The following DNM3 variants were observed in gnomAD, a reference collection of about 807,000 sequenced individuals.
The protein encoded by DNM3 is dynamin 3.
A neutral mutation model predicts 101.6 loss-of-function variants in DNM3; 47 were observed. The ratio of observed to expected loss-of-function variants is 0.46; its 90% CI spans 0.37 to 0.59. The LOEUF (loss-of-function observed/expected upper bound fraction) is 0.59. Among genes scored for constraint, DNM3 ranks in the 20% least tolerant of loss-of-function variants. The probability of loss-of-function intolerance (pLI) is 0.00; values close to 1 mark genes in which losing one functional copy is unlikely to be tolerated. For missense variants in DNM3, 849 were observed against 1,085.7 expected (o/e 0.78, Z 3.06); for synonymous variants, 385 against 387.9 (o/e 0.99, Z 0.09).
chr1:172,292,556 A>C (rs1443409974), intron 15 of DNM3, among the ~76,000 whole-genome samples: 1 of 152,074 alleles, frequency 6.6e-6, no homozygotes, highest in Non-Finnish European at 1.5e-5. Flanking sequence ...TATGGGAAAC[A>C]CTTGAAAATA....
At chr1:172,247,326 A>G (rs529024109) in intron 14 of DNM3, among the ~76,000 whole-genome samples, 1 of 152,326 alleles carries the variant, frequency 6.6e-6, no homozygotes, top group African/African-American at 2.4e-5. Flanking sequence ...GGCAAATACA[A>G]TAATAGAGAA....
At chr1:172,261,450 T>C (rs543067440) in intron 15 of DNM3, among the ~76,000 whole-genome samples, 1 of 152,324 alleles carries the variant, frequency 6.6e-6, no homozygotes, top group East Asian at 1.9e-4. Context: ...GTAGAGGCTA[T>C]GAAAAAGTTT....
At chr1:171,903,120 A>T (rs140973419) in intron 1 of DNM3, among the ~76,000 whole-genome samples, 36 of 152,188 alleles carry the variant, frequency 2.4e-4, no homozygotes, top group African/African-American at 8.7e-4. Flanking sequence ...GTGCCACTAT[A>T]CTTAAGCCTG....
At chr1:172,194,993 C>A (rs374606196) in intron 14 of DNM3, among the ~76,000 whole-genome samples, 3 of 152,158 alleles carry the variant, frequency 2.0e-5, no homozygotes, top group East Asian at 3.9e-4. Flanking sequence ...TTTCTAGTGG[C>A]TGGTACCAGT....
chr1:172,004,114 T>C (rs1196976293), intron 4 of DNM3, among the ~76,000 whole-genome samples: 1 of 151,992 alleles, frequency 6.6e-6, no homozygotes, highest in Non-Finnish European at 1.5e-5. Flanking sequence ...AAAGACAGAC[T>C]GTGAAATACT....
chr1:171,993,787 GTC>G (rs1316452850), intron 4 of DNM3, among the ~76,000 whole-genome samples: 1 of 151,406 alleles, frequency 6.6e-6, no homozygotes, highest in Non-Finnish European at 1.5e-5. Context: ...TCTTTCTTTT[GTC>G]TTTCTTTTCC....
chr1:171,936,199 A>G (rs1323570678), intron 2 of DNM3, among the ~76,000 whole-genome samples: 1 of 151,852 alleles, frequency 6.6e-6, no homozygotes, highest in African/African-American at 2.4e-5. Flanking sequence ...TCCACTAAAA[A>G]CACGAAACAG....
intron 1 of DNM3, among the ~76,000 whole-genome samples, chr1:171,899,837 A>G (rs2038144793): frequency 6.6e-6 from 1 of 152,242 alleles, no homozygotes; most frequent in Admixed American, 6.5e-5. Context: ...TTCTACAAAT[A>G]ACATGGAAGT....
chr1:171,985,855 T>C (rs569173736), intron 2 of DNM3, among the ~76,000 whole-genome samples: 6 of 152,302 alleles, frequency 3.9e-5, no homozygotes, highest in African/African-American at 1.4e-4. Flanking sequence ...AGTGGTGATG[T>C]GACAAAGCAA....
intron 14 of DNM3, among the ~76,000 whole-genome samples, chr1:172,162,280 TTTTG>T (rs200327674): frequency 0.024 from 3,659 of 152,130 alleles, 145 homozygotes; most frequent in African/African-American, 0.083. Flanking sequence ...TATCTGTTGC[TTTTG>T]CTTGATTATC....
intron 14 of DNM3, among the ~76,000 whole-genome samples, chr1:172,238,409 A>G (rs2061621945): frequency 6.6e-6 from 1 of 152,156 alleles, no homozygotes; most frequent in African/African-American, 2.4e-5. Flanking sequence ...TACATGAATA[A>G]TTCATTCCTT....
chr1:172,209,875 A>T (rs2060453364), intron 14 of DNM3, among the ~76,000 whole-genome samples: 1 of 152,156 alleles, frequency 6.6e-6, no homozygotes. Context: ...AATTTTAAAG[A>T]TTATTAATTG....
At chr1:172,256,793 A>C (rs1312991769) in intron 15 of DNM3, among the ~76,000 whole-genome samples, 2 of 151,764 alleles carry the variant, frequency 1.3e-5, no homozygotes, top group Non-Finnish European at 2.9e-5. Flanking sequence ...TTTCTTATAT[A>C]TCTGCATATA....
intron 14 of DNM3, among the ~76,000 whole-genome samples, chr1:172,198,166 A>G (rs1026852721): frequency 1.3e-5 from 2 of 152,128 alleles, no homozygotes; most frequent in South Asian, 4.1e-4. Context: ...TGAGGTAATC[A>G]TGTGGTTTTT....
chr1:172,221,502 A>G lies in DNM3; in HGVS notation c.1660-32071A>G, dbSNP rs557517745. 7.9e-5 allele frequency among the ~76,000 whole-genome samples: 12 copies of G among 152,260 alleles called. No individual in the cohort carries two copies. In the South Asian group the frequency reaches 2.3e-3, roughly 29 times the overall value. On this transcript the variant is annotated intron_variant, in intron 14 of 20. Coordinates refer to ENST00000627582, the MANE Select transcript of DNM3 (RefSeq NM_015569.5). ...CACTTTAACAATCCACAGGGAAGAG[A>G]TGGGAGAGATGGTTCCAAGAGCAGA...
At chr1:172,003,901 T>C (rs2046507423) in intron 4 of DNM3, among the ~76,000 whole-genome samples, 1 of 151,840 alleles carries the variant, frequency 6.6e-6, no homozygotes, top group Non-Finnish European at 1.5e-5. Context: ...AAGGAGAAAG[T>C]GGGCAGCACT....
chr1:172,081,562 A>G (rs1007270085), intron 11 of DNM3, among the ~76,000 whole-genome samples: 9 of 152,176 alleles, frequency 5.9e-5, no homozygotes, highest in Admixed American at 2.6e-4. Flanking sequence ...TAGATTCTGT[A>G]TTAAGGTAGC....
At chr1:172,261,606 C>T (rs1281015251) in intron 15 of DNM3, among the ~76,000 whole-genome samples, 3 of 152,212 alleles carry the variant, frequency 2.0e-5, no homozygotes, top group African/African-American at 2.4e-5. Context: ...GTGGGTCTGG[C>T]AAGTGAACAG....
At chr1:172,403,597 T>C (rs1363094300) in intron 20 of DNM3, among the ~76,000 whole-genome samples, 1 of 152,138 alleles carries the variant, frequency 6.6e-6, no homozygotes, top group Non-Finnish European at 1.5e-5. Context: ...TTGACTTTCT[T>C]ACAAAATTTG....
Sources: gnomAD v4.1 joint callset for allele counts (sites outside exome capture counted in the v4.1 genomes callset) on GRCh38, gnomAD v4.1.1 for gene constraint, MANE v1.5 for transcripts, NCBI Gene and HGNC (gene_info 2026-07-23, HGNC 2026-07-21) for gene names.